SP100: variants seen among roughly 807,000 people sequenced by gnomAD.
SP100 encodes the protein nuclear autoantigen Sp-100.
A neutral mutation model predicts 130.0 loss-of-function variants in SP100; 84 were observed. The ratio of observed to expected loss-of-function variants is 0.65; its 90% CI spans 0.54 to 0.77. The LOEUF (loss-of-function observed/expected upper bound fraction) is 0.77, where lower values mean the gene tolerates loss of function less well. SP100 is among the 30% of genes least tolerant of loss of function. SP100 has a pLI of 0.00. For synonymous variants in SP100, 331 were observed against 351.7 expected (o/e 0.94, Z 0.66); for missense variants, 978 against 1,052.2 (o/e 0.93, Z 0.97).
Position 230,541,926 on chromosome 2 carries a change from T to C in SP100, c.2438T>C (p.Met813Thr), listed in dbSNP as rs1397778776. Reference sequence around the variant, plus strand: ...GGGTCTCAGGGCCCACAGAAGCCCATGTGGTTAAACAAAGTCAAGACAAGT... The same window carrying C: ...GGGTCTCAGGGCCCACAGAAGCCCACGTGGTTAAACAAAGTCAAGACAAGT... Reference protein sequence around the residue: ...REGSQGPQKPMWLNKVKTSLN... With the variant: ...REGSQGPQKPTWLNKVKTSLN... Residue 813 changes from methionine (M) to threonine (T), a missense_variant, in exon 28 of 29, where the codon ATG (methionine) becomes ACG (threonine). Physicochemically the swap from Met to Thr is moderately conservative, Grantham distance 81 (BLOSUM62 -1). Coordinates refer to ENST00000340126, the MANE Select transcript of SP100 (RefSeq NM_001080391.2). The C allele has an allele frequency of 1.5e-5, 24 of 1,614,132 alleles. No individual in the cohort carries two copies. The highest frequency in any genetic ancestry group is 1.9e-5 in the Non-Finnish European group (23 of 1,179,980).
At chr2:230,510,970 A>C (rs1325225059) in intron 23 of SP100, 155 bp from the exon 24 acceptor site, 2 of 669,404 alleles carry the variant, frequency 3.0e-6, no homozygotes, top group Admixed American at 5.4e-5. Context: ...GTGCTTTTTT[A>C]TTCTTCAGTT....
intron 24 of SP100, among the ~76,000 whole-genome samples, chr2:230,519,713 T>C (rs12694871): frequency 0.4 from 61,537 of 151,984 alleles, 13,782 homozygotes; most frequent in South Asian, 0.56. Flanking sequence ...CCATTTTTTT[T>C]CCCCAGAATT....
At chr2:230,424,176 G>T (rs1322157279) in intron 2 of SP100, among the ~76,000 whole-genome samples, 5 of 152,154 alleles carry the variant, frequency 3.3e-5, no homozygotes, top group Non-Finnish European at 7.4e-5. Flanking sequence ...GCTGATACAG[G>T]TTCTTGTCCT....
chr2:230,439,388 C>T (rs1383952855), intron 2 of SP100, among the ~76,000 whole-genome samples: 3 of 152,016 alleles, frequency 2.0e-5, no homozygotes, highest in African/African-American at 7.2e-5. Context: ...TGCTTTTGGG[C>T]AGTATGATCA....
intron 28 of SP100, 36 bp from the exon 29 acceptor site, chr2:230,542,800 A>G (rs200398280): frequency 2.3e-6 from 3 of 1,291,876 alleles, no homozygotes; most frequent in Non-Finnish European, 3.4e-6. Context: ...AGCTCATTGC[A>G]TAACTGCTAT....
intron 2 of SP100, among the ~76,000 whole-genome samples, chr2:230,423,759 G>A (rs1260212624): frequency 6.6e-6 from 1 of 152,070 alleles, no homozygotes; most frequent in Non-Finnish European, 1.5e-5. Flanking sequence ...TGATTTCCTG[G>A]TTAACCTAAG....
At chr2:230,467,695 T>C (rs1414280013) in intron 13 of SP100, among the ~76,000 whole-genome samples, 1 of 152,194 alleles carries the variant, frequency 6.6e-6, no homozygotes, top group Non-Finnish European at 1.5e-5. Flanking sequence ...TCCCCATGAT[T>C]CAATTACGTG....
At chr2:230,542,809 AT>A in intron 28 of SP100, 26 bp from the exon 29 acceptor site, 1 of 1,370,520 alleles carries the variant, frequency 7.3e-7, no homozygotes, top group Non-Finnish European at 1.0e-6. Context: ...CATAACTGCT[AT>A]ATTGTTTTTT....
chr2:230,494,989 T>C (rs1294046356), intron 18 of SP100, among the ~76,000 whole-genome samples: 1 of 152,210 alleles, frequency 6.6e-6, no homozygotes, highest in African/African-American at 2.4e-5. Flanking sequence ...CTACTTGCCC[T>C]TTATGTTTGC....
chr2:230,494,591 G>C, intron 18 of SP100, 131 bp downstream of exon 18: 1 of 687,454 alleles, frequency 1.5e-6, no homozygotes, highest in Admixed American at 2.6e-5. Flanking sequence ...GGATTCTTTA[G>C]AGTACCAGCT....
Position 230,473,439 on chromosome 2 carries a change from G to C in SP100, c.1545G>C (p.Met515Ile), listed in dbSNP as rs1252832518. 6.3e-7 allele frequency: 1 copy of C among 1,590,886 alleles called. No homozygotes were observed. Among genetic ancestry groups the C allele is most frequent in the Admixed American group, 1.7e-5 (1 of 59,986 alleles). ...RTESSQASDMMDTMDVENNST... is the reference protein window; with the variant it reads ...RTESSQASDMIDTMDVENNST... ...AAAGTAGTCAAGCATCTGACATGAT[G>C]GGTAAGGCTACCCTAGGGTCTTGGG... Residue 515 changes from methionine (M) to isoleucine (I), a missense_variant and splice_region_variant, in exon 16 of 29, where the codon ATG becomes ATC. Coordinates refer to ENST00000340126, the MANE Select transcript of SP100 (RefSeq NM_001080391.2).
chr2:230,539,236 A>C (rs1488766060), intron 24 of SP100, 31 bp from the exon 25 acceptor site: 1 of 1,413,746 alleles, frequency 7.1e-7, no homozygotes, highest in Admixed American at 1.7e-5. Flanking sequence ...GGTCTCACTG[A>C]TCCCGGTGAT....
chr2:230,464,866 G>A (rs1450815114), intron 11 of SP100, among the ~76,000 whole-genome samples: 1 of 152,178 alleles, frequency 6.6e-6, no homozygotes, highest in Non-Finnish European at 1.5e-5. Context: ...GCTAAGGCAG[G>A]TAGGTGGCTT....
At chr2:230,444,603 G>T (rs116486779) in intron 4 of SP100, among the ~76,000 whole-genome samples, 1 of 152,162 alleles carries the variant, frequency 6.6e-6, no homozygotes, top group Non-Finnish European at 1.5e-5. Context: ...ACTTAGAAGA[G>T]TATAGGATAA....
intron 12 of SP100, 79 bp from the exon 13 acceptor site, chr2:230,467,041 C>A: frequency 4.0e-6 from 4 of 1,009,278 alleles, no homozygotes; most frequent in Non-Finnish European, 4.6e-6. Flanking sequence ...TCCTAGTTTC[C>A]TTTTCATAGA....
chr2:230,441,346 T>C lies in SP100; in HGVS notation c.108-1591T>C, dbSNP rs7579070. 3.3e-3 allele frequency among the ~76,000 whole-genome samples: 506 copies of C among 152,312 alleles called. 4 individuals carry two copies. The highest frequency in any genetic ancestry group is 0.012 in the African/African-American group (485 of 41,556). On this transcript the variant is annotated intron_variant, in intron 2 of 28. Coordinates refer to ENST00000340126, the MANE Select transcript of SP100 (RefSeq NM_001080391.2). Reference sequence around the variant, plus strand: ...AAAAACAGTTTGGCAGGTTCTTAAATGGTTAAATGTACTCTTACACAATGA... The same window carrying C: ...AAAAACAGTTTGGCAGGTTCTTAAACGGTTAAATGTACTCTTACACAATGA...
intron 24 of SP100, among the ~76,000 whole-genome samples, chr2:230,532,239 A>ACATAAGTT (rs898170838): frequency 6.6e-6 from 1 of 152,058 alleles, no homozygotes; most frequent in African/African-American, 2.4e-5. Flanking sequence ...TAAATAAAAG[A>ACATAAGTT]CATAAGTTCT....
chr2:230,438,212 T>C (rs764483044), intron 2 of SP100, among the ~76,000 whole-genome samples: 1 of 152,196 alleles, frequency 6.6e-6, no homozygotes, highest in Non-Finnish European at 1.5e-5. Flanking sequence ...ATTATTAATA[T>C]TGCCTTTCAA....
intron 2 of SP100, among the ~76,000 whole-genome samples, chr2:230,428,069 A>T (rs934582331): frequency 6.6e-6 from 1 of 152,074 alleles, no homozygotes; most frequent in Non-Finnish European, 1.5e-5. Flanking sequence ...TGTCTCTACT[A>T]AAACTACAAA....
Sources: gnomAD v4.1 joint callset for allele counts (sites outside exome capture counted in the v4.1 genomes callset) on GRCh38, gnomAD v4.1.1 for gene constraint, MANE v1.5 for transcripts, NCBI Gene and HGNC (gene_info 2026-07-23, HGNC 2026-07-21) for gene names.